The following NUDCD1 variants were observed in gnomAD, a reference collection of about 807,000 sequenced individuals.
NUDCD1 encodes the protein nudC domain-containing protein 1.
A neutral mutation model predicts 67.8 loss-of-function variants in NUDCD1; 60 were observed. The ratio of observed to expected loss-of-function variants is 0.88; its 90% CI spans 0.72 to 1.10. NUDCD1 has a LOEUF of 1.10. NUDCD1 is among the 50% of genes least tolerant of loss of function. NUDCD1 has a pLI of 0.00. For missense variants in NUDCD1, 643 were observed against 695.0 expected (o/e 0.93, Z 0.84); for synonymous variants, 244 against 230.8 (o/e 1.06, Z -0.52).
chr8:109,282,426 A>G (rs1814466389), intron 5 of NUDCD1, among the ~76,000 whole-genome samples: 2 of 152,174 alleles, frequency 1.3e-5, no homozygotes, highest in Non-Finnish European at 2.9e-5. Flanking sequence ...CCTACTCTGC[A>G]TTCTCTATAG....
intron 8 of NUDCD1, among the ~76,000 whole-genome samples, chr8:109,260,845 TATAA>T (rs1442126873): frequency 6.6e-6 from 1 of 152,228 alleles, no homozygotes; most frequent in African/African-American, 2.4e-5. Flanking sequence ...TAATTATTGT[TATAA>T]ATATTTATTT....
chr8:109,290,977 C>T (rs1357920485), intron 4 of NUDCD1, among the ~76,000 whole-genome samples: 2 of 152,094 alleles, frequency 1.3e-5, no homozygotes, highest in Non-Finnish European at 2.9e-5. Context: ...TCCTACACTT[C>T]CCCTATAGAT....
intron 2 of NUDCD1, among the ~76,000 whole-genome samples, chr8:109,303,086 T>C (rs1173310582): frequency 1.3e-5 from 2 of 152,192 alleles, no homozygotes; most frequent in African/African-American, 2.4e-5. Context: ...TTGCTTCAAG[T>C]GCTGGAAATC....
At chr8:109,295,452 T>A (rs1814821462) in intron 3 of NUDCD1, among the ~76,000 whole-genome samples, 1 of 152,196 alleles carries the variant, frequency 6.6e-6, no homozygotes, top group Non-Finnish European at 1.5e-5. Context: ...AACAGGCTCT[T>A]GTAAATAGGC....
intron 7 of NUDCD1, among the ~76,000 whole-genome samples, chr8:109,272,364 AACACACACACAC>A (rs5893949): frequency 7.3e-5 from 11 of 150,258 alleles, no homozygotes; most frequent in Admixed American, 1.3e-4. Context: ...GAACCACTAA[AACACACACACAC>A]ACACACACAC....
chr8:109,246,739 T>C lies in NUDCD1; in HGVS notation c.1300-1258A>G, dbSNP rs116071033. 9.5e-3 allele frequency among the ~76,000 whole-genome samples: 1,452 copies of C among 152,232 alleles called. 31 individuals carry two copies. The highest frequency in any genetic ancestry group is 0.033 in the African/African-American group (1,375 of 41,530). On this transcript the variant is annotated intron_variant, in intron 8 of 9. Transcript: ENST00000239690. ...GAATACCAACAAAAATCACATCAAA[T>C]GTAGAAAATATAAAATATGCACAGT...
chr8:109,303,349 T>C (rs1168350655), intron 2 of NUDCD1, among the ~76,000 whole-genome samples: 2 of 152,192 alleles, frequency 1.3e-5, no homozygotes, highest in African/African-American at 4.8e-5. Flanking sequence ...ACTCTTACAC[T>C]GGAGGGTAAG....
chr8:109,306,199 GCCCCAATCCACCACTCT>G (rs1815098830), intron 2 of NUDCD1, among the ~76,000 whole-genome samples: 2 of 152,108 alleles, frequency 1.3e-5, no homozygotes, highest in Non-Finnish European at 2.9e-5. Context: ...TCTGGTACTA[GCCCCAATCCACCACTCT>G]TGACTCCCTC....
At chr8:109,304,849 T>C (rs1361308915) in intron 2 of NUDCD1, among the ~76,000 whole-genome samples, 2 of 152,124 alleles carry the variant, frequency 1.3e-5, no homozygotes, top group Non-Finnish European at 2.9e-5. Flanking sequence ...TTTCTCCTCC[T>C]CGTTGGTCAC....
At chr8:109,319,673 G>C (rs532160190) in intron 2 of NUDCD1, among the ~76,000 whole-genome samples, 64 of 152,324 alleles carry the variant, frequency 4.2e-4, no homozygotes, top group Non-Finnish European at 7.5e-4. Flanking sequence ...CTCAGGAACT[G>C]CAAGAGTTTA....
intron 1 of NUDCD1, among the ~76,000 whole-genome samples, chr8:109,327,490 G>A (rs1404484851): frequency 6.6e-6 from 1 of 152,204 alleles, no homozygotes; most frequent in African/African-American, 2.4e-5. Context: ...GGAAAAGCAT[G>A]AGCTTTAGGG....
Position 109,245,489 on chromosome 8 carries a change from G to C in NUDCD1, c.1300-8C>G. The C allele has an allele frequency of 1.3e-6, 2 of 1,583,084 alleles. No homozygotes were observed. The highest frequency in any genetic ancestry group is 1.7e-6 in the Non-Finnish European group (2 of 1,165,712). ...GTTGCTTCCAAGATTCACCTAAAAA[G>C]TGATTTAAAAAAAAATTTACTCAAC... On this transcript the variant is annotated splice_region_variant and splice_polypyrimidine_tract_variant and intron_variant, in intron 8 of 9. Transcript: ENST00000239690.
chr8:109,332,873 C>T (rs1815842948), intron 1 of NUDCD1, among the ~76,000 whole-genome samples: 1 of 152,218 alleles, frequency 6.6e-6, no homozygotes, highest in Non-Finnish European at 1.5e-5. Flanking sequence ...GATATTAACT[C>T]CTCCAAGACG....
chr8:109,245,784 C>A (rs76107104), intron 8 of NUDCD1, among the ~76,000 whole-genome samples: 3,125 of 152,240 alleles, frequency 0.021, 108 homozygotes, highest in African/African-American at 0.071. Flanking sequence ...TGATATACCA[C>A]CTCTTAATTG....
At position 109,243,023 on chromosome 8, in the gene NUDCD1, T is replaced by C; in HGVS notation, c.1738A>G (p.Asn580Asp). Residue 580 changes from asparagine to aspartate, a missense_variant, in exon 10 of 10, where the codon AAT (asparagine) becomes GAT (aspartate). Physicochemically the swap from Asn to Asp is conservative, Grantham distance 23. Transcript: ENST00000239690. ...TGTTAGAATAATTAATTCTCTGTATTTACTTTTATTAAAAAGAGGTTTTTG... is the reference window on the plus strand; with the variant it reads ...TGTTAGAATAATTAATTCTCTGTATCTACTTTTATTAAAAAGAGGTTTTTG... ...TTKNLFLIKV[N>D]TEN 1 of 1,579,016 alleles carries C rather than the reference T, an allele frequency of 6.3e-7. No homozygotes were observed. The highest frequency in any genetic ancestry group is 8.7e-7 in the Non-Finnish European group (1 of 1,148,944).
At chr8:109,306,581 C>T (rs931058954) in intron 2 of NUDCD1, among the ~76,000 whole-genome samples, 2 of 151,640 alleles carry the variant, frequency 1.3e-5, no homozygotes, top group South Asian at 4.2e-4. Flanking sequence ...AAAAAAAAAA[C>T]TCAAGGATAG....
At chr8:109,316,796 T>G (rs1815408819) in intron 2 of NUDCD1, among the ~76,000 whole-genome samples, 1 of 152,192 alleles carries the variant, frequency 6.6e-6, no homozygotes, top group Admixed American at 6.5e-5. Context: ...AGGTTCCCAG[T>G]CCATGACCAA....
intron 8 of NUDCD1, among the ~76,000 whole-genome samples, chr8:109,259,732 T>C (rs1402450503): frequency 6.6e-6 from 1 of 152,222 alleles, no homozygotes; most frequent in Admixed American, 6.5e-5. Flanking sequence ...GGTAGTACTT[T>C]AATTAAAGCA....
chr8:109,317,506 T>C (rs1300279744), intron 2 of NUDCD1, among the ~76,000 whole-genome samples: 1 of 152,208 alleles, frequency 6.6e-6, no homozygotes, highest in Non-Finnish European at 1.5e-5. Context: ...TAGTATCTGG[T>C]ATATCAGGAT....
Sources: gnomAD v4.1 joint callset for allele counts (sites outside exome capture counted in the v4.1 genomes callset) on GRCh38, gnomAD v4.1.1 for gene constraint, MANE v1.5 for transcripts, NCBI Gene and HGNC (gene_info 2026-07-23, HGNC 2026-07-21) for gene names.